Variants in MRPL10 observed in about 807,000 individuals in gnomAD.
The protein encoded by MRPL10 is large ribosomal subunit protein uL10m.
Under a neutral mutation model 19.8 loss-of-function variants are expected in MRPL10, and 14 were observed. The ratio of observed to expected loss-of-function variants is 0.71; its 90% confidence interval spans 0.47 to 1.11. The LOEUF is 1.11. Among genes scored for constraint, MRPL10 ranks in the 50% least tolerant of loss-of-function variants. MRPL10 has a pLI of 0.00. For missense variants in MRPL10, 318 were observed against 339.6 expected, an observed-to-expected ratio of 0.94 and a Z score of 0.50; for synonymous variants, 129 against 139.2, an observed-to-expected ratio of 0.93 and a Z score of 0.52.
intron 2 of MRPL10, among the ~76,000 whole-genome samples, 158 bp from the exon 3 acceptor site, chr17:47,827,362 G>A (rs1210895486): frequency 6.6e-6 from 1 of 152,158 alleles, no homozygotes; most frequent in African/African-American, 2.4e-5. Flanking sequence ...TCAGAGACAT[G>A]TAACATCTCC....
chr17:47,824,532 TA>T, intron 4 of MRPL10, 74 bp from the exon 5 acceptor site: 1 of 1,483,974 alleles, frequency 6.7e-7, no homozygotes, highest in African/African-American at 1.4e-5. Flanking sequence ...CTGACCCTAG[TA>T]ACTTGCTCTC....
At position 47,826,941 on chromosome 17, in the gene MRPL10, G is replaced by A. The variant is rs1325984365; in HGVS notation, c.387+99C>T. ...TTAGAGGGTGACTCATGGAGAGGAG[G>A]AGTAAGAAGTATCATCACTGGGGAG... On this transcript the variant is annotated intron_variant, in intron 3 of 4. Transcript: ENST00000351111. 4.9e-5 allele frequency: 71 copies of A among 1,455,728 alleles called. No homozygotes were observed. The South Asian group carries it at 6.4e-4, about 13-fold the overall frequency. The allele number at this position is 1,455,728 out of a possible 1,614,324, so 90.2% of individuals were successfully genotyped here.
rs747261309 is a variant in MRPL10 at position 47,828,523 on chromosome 17, G to C, written c.200C>G (p.Ser67Cys). The C allele has an allele frequency of 2.2e-5, 32 of 1,451,036 alleles. No homozygotes were observed. Among genetic ancestry groups the C allele is most frequent in the Non-Finnish European group, 2.6e-5 (29 of 1,099,472 alleles). The allele number at this position is 1,451,036 out of a possible 1,614,324, so 89.9% of individuals were successfully genotyped here. Residue 67 changes from serine to cysteine, a missense_variant, in exon 2 of 5, where the codon TCT (serine) becomes TGT (cysteine). Physicochemically the swap from Ser to Cys is moderately radical, Grantham distance 112. Coordinates refer to ENST00000351111, the MANE Select transcript of MRPL10 (RefSeq NM_145255.4). ...KPAIHPSCLPSPPSPPQEEIG... is the reference protein window; with the variant it reads ...KPAIHPSCLPCPPSPPQEEIG... Reference sequence around the variant, plus strand: ...TACCTCCTGTGGGGGGCTGGGAGGAGATGGCAGGCATGATGGGTGGATGGC... The same window carrying C: ...TACCTCCTGTGGGGGGCTGGGAGGACATGGCAGGCATGATGGGTGGATGGC...
At chr17:47,825,914 G>A (rs553887531) in intron 4 of MRPL10, among the ~76,000 whole-genome samples, 82 of 151,660 alleles carry the variant, frequency 5.4e-4, no homozygotes, top group Non-Finnish European at 7.4e-4. Flanking sequence ...CTGAGGTGGC[G>A]GATCACCTGA....
intron 4 of MRPL10, among the ~76,000 whole-genome samples, chr17:47,825,244 G>A (rs140524622): frequency 0.013 from 2,017 of 151,940 alleles, 41 homozygotes; most frequent in African/African-American, 0.046. Context: ...CAAGAGAATC[G>A]CTTAAACCTG....
chr17:47,831,216 A>C, intron 1 of MRPL10: 3 of 1,002,060 alleles, frequency 3.0e-6, no homozygotes, highest in Non-Finnish European at 4.2e-6. Flanking sequence ...TGACACATTA[A>C]GATGGAGACA....
At position 47,828,554 on chromosome 17, in the gene MRPL10, T is replaced by TC; in HGVS notation, c.168dup (p.Lys57GlufsTer101). On this transcript the variant is annotated frameshift_variant, in exon 2 of 5. Coordinates refer to ENST00000351111, the MANE Select transcript of MRPL10 (RefSeq NM_145255.4). LOFTEE classifies it high-confidence loss of function. ...AGGCATGATGGGTGGATGGCTGGTT[T>TC]CGGGGGGATATATTCAGTCACAGCC... 2.0e-6 allele frequency: 3 copies of TC among 1,491,940 alleles called. No individual in the cohort carries two copies. Among genetic ancestry groups the TC allele is most frequent in the Non-Finnish European group, 2.7e-6 (3 of 1,124,286 alleles). 92.4% of individuals were successfully genotyped at this position (1,491,940 alleles called of 1,614,324 possible).
intron 1 of MRPL10, among the ~76,000 whole-genome samples, chr17:47,830,540 CTG>C (rs894496552): frequency 1.3e-5 from 2 of 151,366 alleles, no homozygotes; most frequent in Non-Finnish European, 2.9e-5. Context: ...GAGTCTCGCT[CTG>C]TTGCCCAGGC....
At chr17:47,827,961 T>C (rs1490441884) in intron 2 of MRPL10, among the ~76,000 whole-genome samples, 1 of 147,898 alleles carries the variant, frequency 6.8e-6, no homozygotes, top group African/African-American at 2.5e-5. Context: ...TCCCAGCACT[T>C]TGGGAGGCCG....
intron 1 of MRPL10, chr17:47,829,654 C>G (rs2033592980): frequency 6.6e-6 from 1 of 152,126 alleles, no homozygotes. Context: ...TTTGGGAGGC[C>G]AAGGTGGGCA....
Position 47,823,648 on chromosome 17 carries a change from C to A in MRPL10, c.*557G>T, listed in dbSNP as rs1332802211. On this transcript the variant is annotated 3_prime_UTR_variant, in exon 5 of 5. Transcript: ENST00000351111. ...TCAGAGCAGAGGGCTTGGTTCAAGT[C>A]CCTGTTCTGCCACTTACTAACTGCA... is the stretch of plus-strand genomic sequence containing the variant. 6.3e-6 allele frequency: 1 copy of A among 158,228 alleles called. No homozygotes were observed. Among genetic ancestry groups the A allele is most frequent in the African/African-American group, 2.4e-5 (1 of 41,468 alleles). The allele number at this position is 158,228 out of a possible 1,614,324, so 9.8% of individuals were successfully genotyped here. A position where few individuals can be genotyped will look rare whatever the true frequency, so the allele number is the denominator to read the frequency against.
chr17:47,826,610 C>T, intron 4 of MRPL10, 27 bp downstream of exon 4: 1 of 1,611,906 alleles, frequency 6.2e-7, no homozygotes, highest in Non-Finnish European at 8.5e-7. Flanking sequence ...TTCACCCCAC[C>T]CCTAACTGGC....
In MRPL10 at chr17:47,828,464, C is replaced by T. The variant is rs770954864; in HGVS notation, c.222+37G>A. 3.7e-6 allele frequency: 5 copies of T among 1,367,516 alleles called. No individual in the cohort carries two copies. The South Asian group carries it at 9.4e-5, about 26-fold the overall frequency. 84.7% of individuals were successfully genotyped at this position (1,367,516 alleles called of 1,614,324 possible). A position where few individuals can be genotyped will look rare whatever the true frequency, so the allele number is the denominator to read the frequency against. On this transcript the variant is annotated intron_variant, in intron 2 of 4. Transcript: ENST00000351111. ...GACAAGATTACTTTAATCCACCATC[C>T]CACCACCAAGTGACATGTACCCAAA...
intron 3 of MRPL10, 93 bp downstream of exon 3, chr17:47,826,947 G>A (rs1370318190): frequency 4.8e-6 from 7 of 1,467,824 alleles, no homozygotes; most frequent in Non-Finnish European, 6.5e-6. Context: ...GGAGGAGTAA[G>A]AAGTATCATC....
At chr17:47,826,872 A>T in intron 3 of MRPL10, 91 bp from the exon 4 acceptor site, 2 of 1,553,702 alleles carry the variant, frequency 1.3e-6, no homozygotes, top group South Asian at 2.4e-5. Context: ...TGAGGGTGCA[A>T]CCCAAGGGTC....
Position 47,824,108 on chromosome 17 carries a change from C to A in MRPL10, c.*97G>T. The A allele has an allele frequency of 6.5e-7, 1 of 1,529,562 alleles. No individual in the cohort carries two copies. The highest frequency in any genetic ancestry group is 9.0e-7 in the Non-Finnish European group (1 of 1,116,862). 94.7% of individuals were successfully genotyped at this position (1,529,562 alleles called of 1,614,324 possible). On this transcript the variant is annotated 3_prime_UTR_variant, in exon 5 of 5. Transcript: ENST00000351111. ...ACTAGTGAAAACCAAGTGACAAACACACTCCCCGACCCCAAGTTCTTCCAC... is the reference window on the plus strand; with the variant it reads ...ACTAGTGAAAACCAAGTGACAAACAAACTCCCCGACCCCAAGTTCTTCCAC...
chr17:47,828,403 G>T, intron 2 of MRPL10, 98 bp downstream of exon 2: 1 of 832,674 alleles, frequency 1.2e-6, no homozygotes, highest in Non-Finnish European at 1.7e-6. Flanking sequence ...TGACGTGCAT[G>T]ACAATGGCTG....
Position 47,827,073 on chromosome 17 carries a change from T to G in MRPL10, c.354A>C (p.Lys118Asn). 1 of 1,613,650 alleles carries G rather than the reference T, an allele frequency of 6.2e-7. No homozygotes were observed. The highest frequency in any genetic ancestry group is 8.5e-7 in the Non-Finnish European group (1 of 1,179,754). Residue 118 changes from lysine to asparagine, a missense_variant, in exon 3 of 5, where the codon AAA becomes AAC. Lys to Asn is a moderately conservative substitution (Grantham distance 94). Transcript: ENST00000351111. ...DKLLMRHQLRKHKILMKVFPN... is the reference protein window; with the variant it reads ...DKLLMRHQLRNHKILMKVFPN... ...GGAAGACCTTCATCAGGATCTTGTG[T>G]TTCCGCAGCTGGTGTCGCATAAGAA... is the stretch of plus-strand genomic sequence containing the variant.
At chr17:47,827,006 A>G in intron 3 of MRPL10, 34 bp downstream of exon 3, 1 of 1,581,410 alleles carries the variant, frequency 6.3e-7, no homozygotes, top group South Asian at 1.2e-5. Context: ...TGGGGGGAAG[A>G]TGGGCAACCC....
Sources: allele counts gnomAD v4.1 joint callset (sites outside exome capture counted in the v4.1 genomes callset), GRCh38; gene constraint gnomAD v4.1.1; transcripts MANE v1.5; gene names NCBI Gene and HGNC (gene_info 2026-07-23, HGNC 2026-07-21).